The following SNX9 variants were observed in gnomAD, a reference collection of about 807,000 sequenced individuals.
SNX9 encodes the protein sorting nexin 9.
Under a neutral mutation model 89.4 loss-of-function variants are expected in SNX9, and 44 were observed. The ratio of observed to expected loss-of-function variants is 0.49; its 90% CI spans 0.39 to 0.63. The LOEUF is 0.63. Ranked by LOEUF, SNX9 falls within the 30% of genes least tolerant of loss-of-function variation. The pLI, the probability that SNX9 is intolerant of heterozygous loss-of-function variation, is 0.00. For synonymous variants in SNX9, 236 were observed against 247.8 expected, an observed-to-expected ratio of 0.95 and a Z score of 0.45; for missense variants, 578 against 736.1, an observed-to-expected ratio of 0.79 and a Z score of 2.49.
intron 10 of SNX9, among the ~76,000 whole-genome samples, chr6:157,926,788 A>C (rs1483579402): frequency 2.0e-5 from 3 of 151,386 alleles, no homozygotes; most frequent in African/African-American, 7.3e-5. Context: ...CTCAAAAAAA[A>C]AAAAAAAAAA....
chr6:157,915,647 A>G, intron 9 of SNX9, among the ~76,000 whole-genome samples: 1 of 123,302 alleles, frequency 8.1e-6, no homozygotes, highest in South Asian at 2.6e-4. Context: ...AAAAATATAT[A>G]TATATATATA....
chr6:157,914,467 TTC>T (rs1327741842), intron 9 of SNX9, among the ~76,000 whole-genome samples: 7 of 123,418 alleles, frequency 5.7e-5, no homozygotes, highest in Non-Finnish European at 9.7e-5. Context: ...CATTTTCTTT[TTC>T]TTTTTTTTTT....
chr6:157,941,357 C>T (rs1250001270), intron 17 of SNX9, among the ~76,000 whole-genome samples: 1 of 152,136 alleles, frequency 6.6e-6, no homozygotes, highest in Non-Finnish European at 1.5e-5. Flanking sequence ...GAGCCTGGCA[C>T]CACACAGGAA....
Position 157,874,702 on chromosome 6 carries a change from G to T in SNX9, c.175-349G>T, listed in dbSNP as rs536006217. 4 of 187,698 alleles carry T rather than the reference G, an allele frequency of 2.1e-5. No individual in the cohort carries two copies. In the South Asian group the frequency reaches 4.4e-4, roughly 21 times the overall value. 11.6% of individuals were successfully genotyped at this position (187,698 alleles called of 1,614,324 possible). A position where few individuals can be genotyped will look rare whatever the true frequency, so the allele number is the denominator to read the frequency against. On this transcript the variant is annotated intron_variant, in intron 3 of 17. Coordinates refer to ENST00000392185, the MANE Select transcript of SNX9 (RefSeq NM_016224.5). The stretch of plus-strand genomic sequence containing the variant: ...TGAGCCATAAAACATACCTCAACAT[G>T]TTTGAAAGAAATCATACAGTGTCTG...
At chr6:157,866,071 A>G (rs1364418170) in intron 1 of SNX9, among the ~76,000 whole-genome samples, 1 of 152,266 alleles carries the variant, frequency 6.6e-6, no homozygotes, top group Non-Finnish European at 1.5e-5. Context: ...GATTTAAATT[A>G]TGTATTATAT....
intron 1 of SNX9, among the ~76,000 whole-genome samples, chr6:157,862,905 G>C (rs535149520): frequency 1.3e-5 from 2 of 152,250 alleles, no homozygotes; most frequent in East Asian, 3.9e-4. Flanking sequence ...ACAAGATGTG[G>C]ACTGACAGTT....
At chr6:157,904,239 G>C (rs1011642718) in intron 6 of SNX9, among the ~76,000 whole-genome samples, 2 of 152,046 alleles carry the variant, frequency 1.3e-5, no homozygotes, top group Middle Eastern at 3.2e-3. Context: ...TTCGAGACCA[G>C]CCTGGCCAAC....
At chr6:157,831,489 A>C (rs1781478251) in intron 1 of SNX9, among the ~76,000 whole-genome samples, 1 of 152,202 alleles carries the variant, frequency 6.6e-6, no homozygotes, top group African/African-American at 2.4e-5. Flanking sequence ...TTCCTTGCAC[A>C]CAGGTTTTCC....
intron 1 of SNX9, among the ~76,000 whole-genome samples, chr6:157,828,892 A>G (rs878995782): frequency 6.6e-6 from 1 of 152,130 alleles, no homozygotes; most frequent in African/African-American, 2.4e-5. Flanking sequence ...ATTTGTTTCT[A>G]TAACTGATGG....
chr6:157,926,627 C>A (rs1007944794), intron 10 of SNX9, among the ~76,000 whole-genome samples: 1 of 151,414 alleles, frequency 6.6e-6, no homozygotes, highest in Non-Finnish European at 1.5e-5. Flanking sequence ...ACAAAAAATA[C>A]AAAAATTAGC....
intron 17 of SNX9, among the ~76,000 whole-genome samples, chr6:157,941,755 A>T (rs2115225956): frequency 6.6e-6 from 1 of 152,330 alleles, no homozygotes. Context: ...TGTCTCCAGC[A>T]GCCAGTTCTT....
chr6:157,883,362 G>A (rs895704556), intron 4 of SNX9, among the ~76,000 whole-genome samples: 8 of 152,070 alleles, frequency 5.3e-5, no homozygotes, highest in South Asian at 2.1e-4. Flanking sequence ...CATTGCTGAC[G>A]TATGCTTTTA....
chr6:157,917,933 G>A (rs987352175), intron 9 of SNX9, among the ~76,000 whole-genome samples: 4 of 152,014 alleles, frequency 2.6e-5, no homozygotes, highest in African/African-American at 9.7e-5. Flanking sequence ...GCCATTTCCT[G>A]AATTTTTTTC....
intron 4 of SNX9, among the ~76,000 whole-genome samples, chr6:157,889,656 C>T (rs1485102434): frequency 6.6e-6 from 1 of 152,076 alleles, no homozygotes; most frequent in Non-Finnish European, 1.5e-5. Context: ...GGTAACAGAA[C>T]GTTGGCTGGA....
chr6:157,844,587 G>GTTTTTTTGTTTTTTTTTTTTTTTTTTT (rs1554291784), intron 1 of SNX9, among the ~76,000 whole-genome samples: 6 of 130,300 alleles, frequency 4.6e-5, no homozygotes, highest in South Asian at 2.5e-4. Flanking sequence ...GCTAATCCTT[G>GTTTTTTTGTTTTTTTTTTTTTTTTTTT]TTTTTTTTTT....
chr6:157,831,707 G>A (rs912214619), intron 1 of SNX9, among the ~76,000 whole-genome samples: 3 of 152,182 alleles, frequency 2.0e-5, no homozygotes, highest in African/African-American at 7.2e-5. Flanking sequence ...CCTCTCCGGA[G>A]CCTTTCCTTT....
chr6:157,908,268 G>A (rs942761921), intron 7 of SNX9, among the ~76,000 whole-genome samples: 3 of 152,130 alleles, frequency 2.0e-5, no homozygotes, highest in Non-Finnish European at 4.4e-5. Context: ...AATAAAACCT[G>A]TTCCATAAAT....
chr6:157,871,500 G>A (rs947469052), intron 2 of SNX9, among the ~76,000 whole-genome samples: 1 of 152,212 alleles, frequency 6.6e-6, no homozygotes, highest in Non-Finnish European at 1.5e-5. Flanking sequence ...GACACAGGGC[G>A]GGGAACGTCG....
rs534649527 is a variant in SNX9 at position 157,840,443 on chromosome 6, T to C, written c.12+16997T>C. ...TCTTTTCTTTCTTTTCTTTCCTTTC[T>C]TTCCTTTCCTTCCTTCCTTCCTTCT... On this transcript the variant is annotated intron_variant, in intron 1 of 17. Coordinates refer to ENST00000392185, the MANE Select transcript of SNX9 (RefSeq NM_016224.5). Among the ~76,000 whole-genome samples, 4 of 150,520 alleles carry C rather than the reference T, an allele frequency of 2.7e-5. No homozygotes were observed. In the South Asian group the frequency reaches 6.5e-4, roughly 24 times the overall value.
Sources: allele counts gnomAD v4.1 joint callset (sites outside exome capture counted in the v4.1 genomes callset), GRCh38; gene constraint gnomAD v4.1.1; transcripts MANE v1.5; gene names NCBI Gene and HGNC (gene_info 2026-07-23, HGNC 2026-07-21).